Variants in TP53BP1 observed in about 807,000 individuals in gnomAD.
The protein encoded by TP53BP1 is TP53-binding protein 1.
TP53BP1 carries 61 observed loss-of-function variants against 200.8 expected under a neutral mutation model. The observed-to-expected ratio is 0.30, with a 90% CI of 0.25 to 0.38. TP53BP1 has a LOEUF of 0.38. Among genes scored for constraint, TP53BP1 ranks in the 10% least tolerant of loss-of-function variants. The pLI, the probability that TP53BP1 is intolerant of heterozygous loss-of-function variation, is 1.00. For missense variants in TP53BP1, 2,144 were observed against 2,371.9 expected (o/e 0.90, Z 2.00); for synonymous variants, 822 against 844.3 (o/e 0.97, Z 0.46).
In TP53BP1 at chr15:43,432,168, T is replaced by G. The variant is rs755886775; in HGVS notation, c.3675+26A>C. On this transcript the variant is annotated intron_variant, in intron 17 of 27. Transcript: ENST00000382044. ...TCCTGAAAGTTAAAAACAAGGCCTC[T>G]GATGCACCCTAGTATGTTCTCTCAC... 12 of 1,586,260 alleles carry G rather than the reference T, an allele frequency of 7.6e-6. No individual in the cohort carries two copies. The East Asian group carries it at 2.7e-4, about 36-fold the overall frequency.
intron 18 of TP53BP1, among the ~76,000 whole-genome samples, chr15:43,427,065 T>C (rs918198701): frequency 7.3e-6 from 1 of 137,302 alleles, no homozygotes; most frequent in South Asian, 2.4e-4. Context: ...TACCAACCAA[T>C]AAAATGGTTC....
chr15:43,493,119 T>A lies in TP53BP1; in HGVS notation c.-76A>T. On this transcript the variant is annotated 5_prime_UTR_variant, in exon 1 of 28. Coordinates refer to ENST00000382044, the MANE Select transcript of TP53BP1 (RefSeq NM_001141980.3). ...AAGTCCCTCCAGATCGATCCCTAGGTCGCCGCTGTCGCCACCGCCGCCACC... is the reference window on the plus strand; with the variant it reads ...AAGTCCCTCCAGATCGATCCCTAGGACGCCGCTGTCGCCACCGCCGCCACC... The A allele has an allele frequency of 6.3e-7, 1 of 1,594,484 alleles. No individual in the cohort carries two copies. The highest frequency in any genetic ancestry group is 8.5e-7 in the Non-Finnish European group (1 of 1,173,836).
At position 43,406,579 on chromosome 15, in the gene TP53BP1, T is replaced by C. The variant is rs2044893608; in HGVS notation, c.*804A>G. 4.4e-6 allele frequency: 2 copies of C among 455,824 alleles called. No homozygotes were observed. Among genetic ancestry groups the C allele is most frequent in the Admixed American group, 2.4e-5 (1 of 42,550 alleles). 28.2% of individuals were successfully genotyped at this position (455,824 alleles called of 1,614,324 possible). A position where few individuals can be genotyped will look rare whatever the true frequency, so the allele number is the denominator to read the frequency against. On this transcript the variant is annotated 3_prime_UTR_variant, in exon 28 of 28. Transcript: ENST00000382044. ...CAAATGGCCCACAAAGCCTGAAATA[T>C]TTACTCTTTGACCCTTTACAGAAAA...
chr15:43,483,233 A>AACACACAC (rs71431896), intron 4 of TP53BP1, among the ~76,000 whole-genome samples: 6,761 of 142,726 alleles, frequency 0.047, 182 homozygotes, highest in Middle Eastern at 0.064. Flanking sequence ...AAAAGTACAG[A>AACACACAC]ACACACACAC....
chr15:43,503,558 C>T (rs1308108128), intron 1 of TP53BP1, among the ~76,000 whole-genome samples: 1 of 152,112 alleles, frequency 6.6e-6, no homozygotes, highest in Non-Finnish European at 1.5e-5. Flanking sequence ...ACTCGGGAGG[C>T]TGAGGCAGGA....
At chr15:43,506,378 G>A (rs771520273) in intron 1 of TP53BP1, among the ~76,000 whole-genome samples, 3 of 152,158 alleles carry the variant, frequency 2.0e-5, no homozygotes, top group African/African-American at 4.8e-5. Context: ...TGAAGGCCTG[G>A]GGGTTGAGAA....
chr15:43,462,084 C>T (rs1034993337), intron 11 of TP53BP1, among the ~76,000 whole-genome samples: 1 of 150,666 alleles, frequency 6.6e-6, no homozygotes, highest in African/African-American at 2.4e-5. Flanking sequence ...GTAATCCCAG[C>T]ACATTGGGAG....
Position 43,491,769 on chromosome 15 carries a change from G to A in TP53BP1, c.287-16C>T, listed in dbSNP as rs1275731109. On this transcript the variant is annotated splice_polypyrimidine_tract_variant and intron_variant, in intron 3 of 27. Transcript: ENST00000382044. ...TCCACAGGGTCTGAAAAAAATAACTGGATATTAGCATGAAAGACATTTACC... is the reference window on the plus strand; with the variant it reads ...TCCACAGGGTCTGAAAAAAATAACTAGATATTAGCATGAAAGACATTTACC... 2.5e-6 allele frequency: 4 copies of A among 1,596,820 alleles called. No homozygotes were observed. Among genetic ancestry groups the A allele is most frequent in the Non-Finnish European group, 3.4e-6 (4 of 1,164,560 alleles).
Position 43,441,572 on chromosome 15 carries a change from C to T in TP53BP1, c.3052G>A (p.Gly1018Ser), listed in dbSNP as rs2045925864. ...GCAGTAGATCCATTTTTTCTTTCACCAGTTGCAGGCTCTGAATAAAAACAA... is the reference window on the plus strand; with the variant it reads ...GCAGTAGATCCATTTTTTCTTTCACTAGTTGCAGGCTCTGAATAAAAACAA... ...LQFNLEKPAT[G>S]ERKNGSTAVA... The change falls in exon 15 of 28, where the codon GGT becomes AGT. Residue 1018 changes from glycine (G) to serine (S), a missense_variant. Physicochemically the swap from Gly to Ser is moderately conservative, Grantham distance 56. Coordinates refer to ENST00000382044, the MANE Select transcript of TP53BP1 (RefSeq NM_001141980.3). 6.2e-7 allele frequency: 1 copy of T among 1,612,334 alleles called. No individual in the cohort carries two copies. Among genetic ancestry groups the T allele is most frequent in the South Asian group, 1.1e-5 (1 of 91,054 alleles).
rs533566015 is a variant in TP53BP1 at position 43,422,731 on chromosome 15, C to T, written c.3829-605G>A. On this transcript the variant is annotated intron_variant, in intron 18 of 27. Coordinates refer to ENST00000382044, the MANE Select transcript of TP53BP1 (RefSeq NM_001141980.3). ...AAAAGGGGTCAGGTGTGGTGGCTCA[C>T]GCCTGTAATCCCAGCACTTTGGGAG... 4.6e-5 allele frequency among the ~76,000 whole-genome samples: 7 copies of T among 152,248 alleles called. 1 individual carries two copies. Among genetic ancestry groups the T allele is most frequent in the Admixed American group, 2.6e-4 (4 of 15,296 alleles).
intron 18 of TP53BP1, 78 bp from the exon 19 acceptor site, chr15:43,422,204 C>T: frequency 2.7e-6 from 4 of 1,457,352 alleles, no homozygotes; most frequent in Non-Finnish European, 2.8e-6. Flanking sequence ...GAAAATCCTA[C>T]AGATGGCACA....
intron 10 of TP53BP1, among the ~76,000 whole-genome samples, chr15:43,472,948 G>C (rs370847352): frequency 1.3e-5 from 2 of 152,116 alleles, no homozygotes; most frequent in Non-Finnish European, 2.9e-5. Context: ...GGCGCGTCTC[G>C]AGTCTGTCCC....
At chr15:43,507,816 T>C (rs1022476637) in intron 1 of TP53BP1, among the ~76,000 whole-genome samples, 1 of 151,856 alleles carries the variant, frequency 6.6e-6, no homozygotes, top group African/African-American at 2.4e-5. Flanking sequence ...CTGGGCTCAA[T>C]TGATCCTCCC....
chr15:43,469,575 T>C (rs2046672759), intron 11 of TP53BP1, among the ~76,000 whole-genome samples: 1 of 152,094 alleles, frequency 6.6e-6, no homozygotes, highest in Non-Finnish European at 1.5e-5. Flanking sequence ...TGTGTTAAAG[T>C]AGAATAATGA....
intron 1 of TP53BP1, among the ~76,000 whole-genome samples, chr15:43,498,484 T>A (rs1186628174): frequency 6.6e-6 from 1 of 152,094 alleles, no homozygotes; most frequent in Non-Finnish European, 1.5e-5. Flanking sequence ...ATCAGATAAA[T>A]CCACATTAAT....
At chr15:43,436,536 G>A (rs971558903) in intron 16 of TP53BP1, among the ~76,000 whole-genome samples, 6 of 151,802 alleles carry the variant, frequency 4.0e-5, no homozygotes, top group South Asian at 2.1e-4. Flanking sequence ...GTGCAGTGGC[G>A]AGACCACAGC....
chr15:43,501,923 A>G (rs193270991), intron 1 of TP53BP1, among the ~76,000 whole-genome samples: 1 of 152,304 alleles, frequency 6.6e-6, no homozygotes, highest in African/African-American at 2.4e-5. Flanking sequence ...TTTTGTGAAC[A>G]TTTGTTTTCA....
intron 1 of TP53BP1, among the ~76,000 whole-genome samples, chr15:43,500,770 G>A (rs890215986): frequency 2.0e-5 from 3 of 152,082 alleles, no homozygotes; most frequent in African/African-American, 4.8e-5. Flanking sequence ...GCACTGAGCC[G>A]AAATCACGCT....
chr15:43,403,409 G>C lies in TP53BP1; in HGVS notation c.*3974C>G, dbSNP rs963395420. 1.6e-4 allele frequency: 45 copies of C among 289,096 alleles called. No individual in the cohort carries two copies. The highest frequency in any genetic ancestry group is 2.7e-4 in the Non-Finnish European group (42 of 152,930). 17.9% of individuals were successfully genotyped at this position (289,096 alleles called of 1,614,324 possible). On this transcript the variant is annotated 3_prime_UTR_variant, in exon 28 of 28. Transcript: ENST00000382044. ...TCAGAGGCAGGAAGACACTCTGCGG[G>C]TCTAAGAAATGAAGAGTTAAATGTG...
Sources: allele counts gnomAD v4.1 joint callset (sites outside exome capture counted in the v4.1 genomes callset), GRCh38; gene constraint gnomAD v4.1.1; transcripts MANE v1.5; gene names NCBI Gene and HGNC (gene_info 2026-07-23, HGNC 2026-07-21).